AHCYL2: variants seen among roughly 807,000 people sequenced by gnomAD.
AHCYL2 encodes adenosylhomocysteinase like 2.
In AHCYL2, 28 loss-of-function variants were observed where a neutral mutation model predicts 81.4. The ratio of observed to expected loss-of-function variants is 0.34; its 90% CI spans 0.25 to 0.47. The LOEUF (loss-of-function observed/expected upper bound fraction) is 0.47, where lower values mean the gene tolerates loss of function less well. Among genes scored for constraint, AHCYL2 ranks in the 20% least tolerant of loss-of-function variants. The pLI is 1.00. For missense variants in AHCYL2, 551 were observed against 785.1 expected, an observed-to-expected ratio of 0.70 and a Z score of 3.56; for synonymous variants, 272 against 290.2, an observed-to-expected ratio of 0.94 and a Z score of 0.64.
intron 1 of AHCYL2, chr7:129,377,551 C>A: frequency 2.2e-6 from 1 of 456,648 alleles, no homozygotes; most frequent in Non-Finnish European, 4.4e-6. Context: ...GGAAGTGGAG[C>A]CGTCAGTTCC....
intron 1 of AHCYL2, among the ~76,000 whole-genome samples, chr7:129,352,433 A>G (rs913356312): frequency 3.9e-5 from 6 of 152,016 alleles, no homozygotes; most frequent in African/African-American, 9.7e-5. Flanking sequence ...CTACCTATCT[A>G]TATATATACT....
chr7:129,416,601 C>T (rs1161941806), intron 12 of AHCYL2, among the ~76,000 whole-genome samples: 1 of 151,978 alleles, frequency 6.6e-6, no homozygotes, highest in Non-Finnish European at 1.5e-5. Context: ...AGTTCAAGAC[C>T]AGCCTGGCTA....
intron 1 of AHCYL2, among the ~76,000 whole-genome samples, chr7:129,367,534 G>A (rs1563214760): frequency 6.6e-6 from 1 of 152,138 alleles, no homozygotes; most frequent in Non-Finnish European, 1.5e-5. Context: ...TAGTGTACAG[G>A]GCTACTGCAC....
chr7:129,290,387 G>A (rs984858222), intron 1 of AHCYL2, among the ~76,000 whole-genome samples: 24 of 151,768 alleles, frequency 1.6e-4, no homozygotes, highest in Non-Finnish European at 5.9e-5. Flanking sequence ...TTTAGTCCCA[G>A]CTACTCGGGA....
chr7:129,402,232 G>A (rs970507147), intron 6 of AHCYL2, among the ~76,000 whole-genome samples: 2 of 152,166 alleles, frequency 1.3e-5, no homozygotes, highest in African/African-American at 4.8e-5. Flanking sequence ...GTTTCTACTT[G>A]TAGTATGGAG....
intron 1 of AHCYL2, among the ~76,000 whole-genome samples, chr7:129,373,587 A>G (rs1224573967): frequency 2.0e-5 from 3 of 151,826 alleles, no homozygotes; most frequent in South Asian, 2.1e-4. Context: ...GTGACAGACC[A>G]AGACTCAGTC....
intron 1 of AHCYL2, among the ~76,000 whole-genome samples, chr7:129,261,437 T>C (rs555475470): frequency 5.8e-4 from 88 of 152,374 alleles, no homozygotes; most frequent in African/African-American, 1.9e-3. Context: ...GTTCAACCAA[T>C]TGTAAATCTA....
Position 129,349,646 on chromosome 7 carries a change from T to C in AHCYL2, c.364-29992T>C, listed in dbSNP as rs1584809945. Among the ~76,000 whole-genome samples, 7 of 102,768 alleles carry C rather than the reference T, an allele frequency of 6.8e-5. 2 individuals are homozygous for C. In the Admixed American group the frequency reaches 7.9e-4, roughly 12 times the overall value. The allele number at this position is 102,768 out of a possible 152,430, so 67.4% of individuals were successfully genotyped here. A position where few individuals can be genotyped will look rare whatever the true frequency, so the allele number is the denominator to read the frequency against. ...CAGCCTGGGCAACAATGCAAGACTC[T>C]GTTTCAAAAAAAAAAAAAAAAAAAA... On this transcript the variant is annotated intron_variant, in intron 1 of 16. Transcript: ENST00000325006.
At chr7:129,241,629 A>G (rs1794858469) in intron 1 of AHCYL2, among the ~76,000 whole-genome samples, 1 of 152,172 alleles carries the variant, frequency 6.6e-6, no homozygotes, top group South Asian at 2.1e-4. Context: ...TTTCAAATAG[A>G]TGGAAGAGTC....
chr7:129,346,962 A>C (rs1793382365), intron 1 of AHCYL2, among the ~76,000 whole-genome samples: 1 of 152,194 alleles, frequency 6.6e-6, no homozygotes, highest in Admixed American at 6.5e-5. Context: ...TGCTAAAAAG[A>C]AATTAGTGAT....
intron 1 of AHCYL2, among the ~76,000 whole-genome samples, chr7:129,370,542 C>CA (rs376586246): frequency 0.026 from 3,935 of 152,018 alleles, 182 homozygotes; most frequent in African/African-American, 0.09. Context: ...ACTAAAAATA[C>CA]AAAAAATTAG....
chr7:129,336,067 TTTCC>T (rs1213117336), intron 1 of AHCYL2, among the ~76,000 whole-genome samples: 3 of 101,124 alleles, frequency 3.0e-5, no homozygotes, highest in African/African-American at 9.4e-5. Context: ...TTCTCTTTTC[TTTCC>T]TTTTTTTTTT....
At chr7:129,405,732 T>TGAAAAACCAACC in intron 8 of AHCYL2, 104 bp from the exon 9 acceptor site, 1 of 1,106,522 alleles carries the variant, frequency 9.0e-7, no homozygotes. Flanking sequence ...TCTTTCAAAA[T>TGAAAAACCAACC]GAAAAACCAA....
intron 1 of AHCYL2, among the ~76,000 whole-genome samples, chr7:129,323,116 T>G (rs1351987097): frequency 6.6e-6 from 1 of 152,116 alleles, no homozygotes; most frequent in Non-Finnish European, 1.5e-5. Context: ...GAAAAAAATC[T>G]TCTGTTTGCT....
intron 1 of AHCYL2, among the ~76,000 whole-genome samples, chr7:129,330,470 A>G (rs1339816339): frequency 7.2e-6 from 1 of 139,160 alleles, no homozygotes. Context: ...ACTCTGGTAC[A>G]TTTTTTTTTT....
intron 1 of AHCYL2, among the ~76,000 whole-genome samples, chr7:129,350,038 G>C (rs1311510330): frequency 6.6e-6 from 1 of 152,134 alleles, no homozygotes; most frequent in Non-Finnish European, 1.5e-5. Context: ...AGAAACATTT[G>C]TCCCAAATTT....
At chr7:129,409,848 A>G (rs1337853998) in intron 11 of AHCYL2, among the ~76,000 whole-genome samples, 1 of 64,620 alleles carries the variant, frequency 1.5e-5, no homozygotes, top group East Asian at 5.3e-4. Flanking sequence ...TTGGGAAGCC[A>G]GATATTTTTT....
intron 1 of AHCYL2, among the ~76,000 whole-genome samples, chr7:129,324,149 C>G (rs2150793185): frequency 6.6e-6 from 1 of 152,276 alleles, no homozygotes; most frequent in Middle Eastern, 3.4e-3. Context: ...TCCCAAAGTG[C>G]TGGGATTACA....
intron 11 of AHCYL2, among the ~76,000 whole-genome samples, chr7:129,410,902 G>A (rs1046330098): frequency 2.0e-5 from 3 of 152,112 alleles, no homozygotes; most frequent in Non-Finnish European, 2.9e-5. Flanking sequence ...ACCATAAGAA[G>A]CTGTTCTTGG....
Sources: gnomAD v4.1 joint callset for allele counts (sites outside exome capture counted in the v4.1 genomes callset) on GRCh38, gnomAD v4.1.1 for gene constraint, MANE v1.5 for transcripts, NCBI Gene and HGNC (gene_info 2026-07-23, HGNC 2026-07-21) for gene names.